The following NDE1 variants were observed in gnomAD, a reference collection of about 807,000 sequenced individuals.
NDE1 encodes nuclear distribution protein nudE homolog 1.
NDE1 carries 28 observed loss-of-function variants against 43.4 expected under a neutral mutation model. The observed-to-expected ratio is 0.65, with a 90% confidence interval of 0.48 to 0.89. The LOEUF (loss-of-function observed/expected upper bound fraction) is 0.89. Ranked by LOEUF, NDE1 falls within the 40% of genes least tolerant of loss-of-function variation. NDE1 has a pLI of 0.00. For synonymous variants in NDE1, 184 were observed against 172.0 expected, an observed-to-expected ratio of 1.07 and a Z score of -0.55; for missense variants, 441 against 434.1, an observed-to-expected ratio of 1.02 and a Z score of -0.14.
chr16:15,704,714 C>T (rs984025203), intron 8 of NDE1, among the ~76,000 whole-genome samples: 4 of 152,202 alleles, frequency 2.6e-5, no homozygotes, highest in Non-Finnish European at 5.9e-5. Flanking sequence ...TGTGAATGTT[C>T]ATGGACTGAG....
intron 1 of NDE1, among the ~76,000 whole-genome samples, chr16:15,663,004 C>CT (rs2037124696): frequency 6.6e-6 from 1 of 152,170 alleles, no homozygotes; most frequent in Non-Finnish European, 1.5e-5. Context: ...TCACATCACT[C>CT]TCTTCCCTAA....
intron 1 of NDE1, among the ~76,000 whole-genome samples, chr16:15,652,422 G>A (rs971612156): frequency 3.9e-5 from 6 of 152,200 alleles, no homozygotes; most frequent in Non-Finnish European, 7.3e-5. Context: ...CCTAACATGA[G>A]CATTCCTGTG....
intron 8 of NDE1, chr16:15,714,818 A>T: frequency 6.7e-7 from 1 of 1,491,602 alleles, no homozygotes; most frequent in East Asian, 2.3e-5. Flanking sequence ...CTGTGGGCAC[A>T]AGGGGCATTT....
chr16:15,654,347 C>T (rs1005934315), intron 1 of NDE1, among the ~76,000 whole-genome samples: 4 of 151,978 alleles, frequency 2.6e-5, no homozygotes, highest in Admixed American at 6.6e-5. Flanking sequence ...CACCTGTAAT[C>T]CCAGCACTTT....
intron 1 of NDE1, among the ~76,000 whole-genome samples, chr16:15,645,022 C>T (rs1033921239): frequency 2.6e-5 from 4 of 151,676 alleles, no homozygotes; most frequent in Non-Finnish European, 4.4e-5. Context: ...CGGGTTCAAC[C>T]GATTCTCATG....
intron 1 of NDE1, among the ~76,000 whole-genome samples, chr16:15,664,406 G>C (rs1417210203): frequency 1.3e-5 from 2 of 151,904 alleles, no homozygotes; most frequent in African/African-American, 4.8e-5. Context: ...ACTCAAGCTG[G>C]AGTGCAGTGG....
intron 8 of NDE1, among the ~76,000 whole-genome samples, chr16:15,704,778 G>A (rs117760029): frequency 2.6e-5 from 4 of 152,318 alleles, no homozygotes; most frequent in Non-Finnish European, 5.9e-5. Flanking sequence ...GGAACATACC[G>A]CACATGGCGT....
chr16:15,675,640 C>T (rs2037831358), intron 3 of NDE1, among the ~76,000 whole-genome samples: 1 of 151,966 alleles, frequency 6.6e-6, no homozygotes, highest in Non-Finnish European at 1.5e-5. Flanking sequence ...CTTGCCCAGG[C>T]TGGTCGAGAA....
intron 8 of NDE1, chr16:15,718,224 A>T (rs1220390647): frequency 2.0e-5 from 32 of 1,592,586 alleles, no homozygotes; most frequent in Non-Finnish European, 2.7e-5. Context: ...GCCTGCACAC[A>T]GGAAGCCGCC....
At chr16:15,671,676 T>A (rs1211012189) in intron 3 of NDE1, among the ~76,000 whole-genome samples, 2 of 152,000 alleles carry the variant, frequency 1.3e-5, no homozygotes, top group Non-Finnish European at 2.9e-5. Flanking sequence ...GCAATGATTA[T>A]CGTTCTTTTT....
chr16:15,691,340 T>C lies in NDE1; in HGVS notation c.703+17T>C, dbSNP rs2038742599. 6.2e-7 allele frequency: 1 copy of C among 1,613,032 alleles called. No homozygotes were observed. The highest frequency in any genetic ancestry group is 1.3e-5 in the African/African-American group (1 of 74,864). On this transcript the variant is annotated intron_variant, in intron 6 of 8. Coordinates refer to ENST00000396354, the MANE Select transcript of NDE1 (RefSeq NM_017668.3). Reference sequence around the variant, plus strand: ...TCAGACGTGGTAAGGGGAGTGGGAATTGCAGGATTTTCTCGGTTCACAAAG... The same window carrying C: ...TCAGACGTGGTAAGGGGAGTGGGAACTGCAGGATTTTCTCGGTTCACAAAG...
In NDE1 at chr16:15,721,700, A is replaced by G. The variant is rs747346244; in HGVS notation, c.948-2491A>G. On this transcript the variant is annotated intron_variant, in intron 8 of 8. Coordinates refer to ENST00000396354, the MANE Select transcript of NDE1 (RefSeq NM_017668.3). ...GGGTCAGCGTCACTGAATTGTAAAT[A>G]CCGGGGGAAGCCCTGTGTCCTGCTG... 1.3e-5 allele frequency: 20 copies of G among 1,551,862 alleles called. 1 individual carries two copies. The highest frequency in any genetic ancestry group is 1.7e-5 in the Non-Finnish European group (19 of 1,125,256).
intron 6 of NDE1, among the ~76,000 whole-genome samples, chr16:15,692,847 C>T (rs1472067863): frequency 1.3e-5 from 2 of 152,012 alleles, no homozygotes; most frequent in Non-Finnish European, 2.9e-5. Flanking sequence ...AGTGATCCTC[C>T]TGCCTCAGCC....
chr16:15,690,852 G>T lies in NDE1; in HGVS notation c.524-292G>T, dbSNP rs548965599. 7.2e-5 allele frequency among the ~76,000 whole-genome samples: 11 copies of T among 152,242 alleles called. 1 individual carries two copies. The South Asian group carries it at 2.3e-3, about 32-fold the overall frequency. On this transcript the variant is annotated intron_variant, in intron 5 of 8. Transcript: ENST00000396354. The stretch of plus-strand genomic sequence containing the variant: ...GACGTAGTCTTGCTCTTGTCACCCA[G>T]ACTGGAGTGCGCTGGAGCAATCTCA...
intron 3 of NDE1, 125 bp from the exon 4 acceptor site, chr16:15,677,676 T>G: frequency 1.0e-6 from 1 of 993,786 alleles, no homozygotes; most frequent in Non-Finnish European, 1.5e-6. Flanking sequence ...CTCTAACTCC[T>G]GGGCTCAGGC....
chr16:15,706,993 C>T (rs964801345), intron 8 of NDE1, among the ~76,000 whole-genome samples: 1 of 152,160 alleles, frequency 6.6e-6, no homozygotes, highest in Non-Finnish European at 1.5e-5. Flanking sequence ...GTTACAGGAA[C>T]TAAGGGACCC....
At position 15,724,308 on chromosome 16, in the gene NDE1, C is replaced by A. The variant is rs2040636408; in HGVS notation, c.*57C>A. On this transcript the variant is annotated 3_prime_UTR_variant, in exon 9 of 9. Coordinates refer to ENST00000396354, the MANE Select transcript of NDE1 (RefSeq NM_017668.3). Reference sequence around the variant, plus strand: ...AAGCGGCCGCCTTCTCCTCGTACTGCTGGGTGAGGTTCTCGATCTCCTTCT... The same window carrying A: ...AAGCGGCCGCCTTCTCCTCGTACTGATGGGTGAGGTTCTCGATCTCCTTCT... 1 of 1,614,072 alleles carries A rather than the reference C, an allele frequency of 6.2e-7. No individual in the cohort carries two copies. The highest frequency in any genetic ancestry group is 1.3e-5 in the African/African-American group (1 of 74,916).
At chr16:15,651,094 T>A (rs1179199484) in intron 1 of NDE1, among the ~76,000 whole-genome samples, 1 of 152,194 alleles carries the variant, frequency 6.6e-6, no homozygotes, top group Non-Finnish European at 1.5e-5. Flanking sequence ...GACACCGCTT[T>A]TGGGGAGGCG....
At chr16:15,695,109 T>A (rs1384954906) in intron 7 of NDE1, among the ~76,000 whole-genome samples, 4 of 150,374 alleles carry the variant, frequency 2.7e-5, no homozygotes, top group Non-Finnish European at 5.9e-5. Context: ...TGCTTCAGCC[T>A]GGGAGGTTGA....
Sources: gnomAD v4.1 joint callset for allele counts (sites outside exome capture counted in the v4.1 genomes callset) on GRCh38, gnomAD v4.1.1 for gene constraint, MANE v1.5 for transcripts, NCBI Gene and HGNC (gene_info 2026-07-23, HGNC 2026-07-21) for gene names.